AIG1: variants seen among roughly 807,000 people sequenced by gnomAD.
The protein encoded by AIG1 is androgen-induced gene 1 protein.
In AIG1, 23 loss-of-function variants were observed where a neutral mutation model predicts 31.4. The observed-to-expected ratio is 0.73, with a 90% CI of 0.53 to 1.04. The LOEUF is 1.04. Ranked by LOEUF, AIG1 falls within the 50% of genes least tolerant of loss-of-function variation. AIG1 has a pLI of 0.00. For missense variants in AIG1, 274 were observed against 295.0 expected (o/e 0.93, Z 0.52); for synonymous variants, 100 against 110.5 (o/e 0.90, Z 0.60).
chr6:143,080,616 A>G (rs1163081646), intron 1 of AIG1, among the ~76,000 whole-genome samples: 1 of 152,094 alleles, frequency 6.6e-6, no homozygotes, highest in Non-Finnish European at 1.5e-5. Flanking sequence ...AGGGGGTAAG[A>G]GAACAGTAAA....
chr6:143,165,638 G>A (rs1178283770), intron 3 of AIG1, among the ~76,000 whole-genome samples: 3 of 152,214 alleles, frequency 2.0e-5, no homozygotes, highest in Admixed American at 1.3e-4. Context: ...CAGCAAGGCT[G>A]TGACTTTCTT....
chr6:143,203,882 G>A (rs561901606), intron 3 of AIG1, among the ~76,000 whole-genome samples: 2 of 152,310 alleles, frequency 1.3e-5, no homozygotes, highest in African/African-American at 4.8e-5. Context: ...TAGAATGGAG[G>A]TTGTGAAAAC....
rs55784672 is a variant in AIG1, at chr6:143,280,404, A to G, written c.400-3706A>G. On this transcript the variant is annotated intron_variant, in intron 3 of 5. Transcript: ENST00000357847. This position sits in a 1 kb window ranked among gnomAD's most constrained non-coding sequence, Gnocchi z 4.1. ...CCAGAAGAATAGAAATCATTCTACC[A>G]TAAAGATATATGTGCACAAATGTTC... Among the ~76,000 whole-genome samples the G allele has an allele frequency of 0.039, 5,904 of 152,296 alleles. 384 individuals are homozygous for G. The highest frequency in any genetic ancestry group is 0.13 in the African/African-American group (5,476 of 41,530).
chr6:143,175,230 T>C (rs575764981), intron 3 of AIG1, among the ~76,000 whole-genome samples: 2 of 152,352 alleles, frequency 1.3e-5, no homozygotes, highest in African/African-American at 4.8e-5. Flanking sequence ...CTCACAGCTC[T>C]TAAGATTCTT....
At chr6:143,189,746 C>T (rs1168377880) in intron 3 of AIG1, 3 of 985,080 alleles carry the variant, frequency 3.0e-6, no homozygotes, top group Non-Finnish European at 3.6e-6. Flanking sequence ...TAATTTAGAG[C>T]CCTCTTATAT....
chr6:143,060,326 GGTTTA>G (rs1355151580), upstream of AIG1, among the ~76,000 whole-genome samples: 148 of 152,320 alleles, frequency 9.7e-4, 2 homozygotes, highest in African/African-American at 3.4e-3. Context: ...CCTGTGCTCG[GGTTTA>G]CACCCCACGT....
chr6:143,091,822 A>G (rs564118564), intron 1 of AIG1, among the ~76,000 whole-genome samples: 1 of 152,226 alleles, frequency 6.6e-6, no homozygotes, highest in Non-Finnish European at 1.5e-5. Context: ...AAGGAAAGCT[A>G]TACACATGCA....
Position 143,293,803 on chromosome 6 carries a change from C to G in AIG1, c.515+9578C>G, listed in dbSNP as rs952970899. On this transcript the variant is annotated intron_variant, in intron 4 of 5. Coordinates refer to ENST00000357847, the MANE Select transcript of AIG1 (RefSeq NM_016108.4). This position sits in a 1 kb window ranked among gnomAD's most constrained non-coding sequence, Gnocchi z 4.8. ...ACTCCCCAGCTTCCCTACAGCCATG[C>G]CTACACCACTGCTTCTTTTCCCCAT... Among the ~76,000 whole-genome samples, 2 of 152,102 alleles carry G rather than the reference C, an allele frequency of 1.3e-5. No individual in the cohort carries two copies. Among genetic ancestry groups the G allele is most frequent in the Admixed American group, 6.5e-5 (1 of 15,272 alleles).
At chr6:143,189,676 T>G (rs1321820378) in intron 3 of AIG1, 14 of 985,396 alleles carry the variant, frequency 1.4e-5, no homozygotes, top group Non-Finnish European at 1.4e-5. Context: ...TATCATCCTT[T>G]TTTTCTGTAC....
At chr6:143,076,345 G>T (rs747531912) in intron 1 of AIG1, among the ~76,000 whole-genome samples, 1 of 152,094 alleles carries the variant, frequency 6.6e-6, no homozygotes, top group Non-Finnish European at 1.5e-5. Flanking sequence ...TATTTTCCTT[G>T]CTCTAAAGTC....
At chr6:143,203,013 G>T (rs1257633451) in intron 3 of AIG1, among the ~76,000 whole-genome samples, 2 of 152,070 alleles carry the variant, frequency 1.3e-5, no homozygotes, top group African/African-American at 4.8e-5. Context: ...AAGCAGTGTG[G>T]GTAGAAGTCT....
intron 1 of AIG1, among the ~76,000 whole-genome samples, chr6:143,082,803 A>C (rs183478367): frequency 1.3e-5 from 2 of 152,170 alleles, no homozygotes; most frequent in Non-Finnish European, 1.5e-5. Flanking sequence ...AGAGCTGTTC[A>C]TGTTTTTTCT....
chr6:143,333,294 G>A lies in AIG1; in HGVS notation c.528G>A (p.Val176=). ...GATTCTTTTGCAGGGTGTGCTGGGTGCATCATGTAACTGGCATGTGGGTGT... is the reference window on the plus strand; with the variant it reads ...GATTCTTTTGCAGGGTGTGCTGGGTACATCATGTAACTGGCATGTGGGTGT... The part of the protein sequence containing the change: ...SVGYILWVCW[V]HHVTGMWVYP... The change falls in exon 5 of 6, where the codon GTG becomes GTA. Residue 176 remains valine (V), a synonymous_variant. Coordinates refer to ENST00000357847, the MANE Select transcript of AIG1 (RefSeq NM_016108.4). This position sits in a 1 kb window ranked among gnomAD's most constrained non-coding sequence, Gnocchi z 4.6. 1.2e-6 allele frequency: 2 copies of A among 1,611,660 alleles called. No homozygotes were observed. Among genetic ancestry groups the A allele is most frequent in the African/African-American group, 1.3e-5 (1 of 74,876 alleles).
intron 1 of AIG1, among the ~76,000 whole-genome samples, chr6:143,113,706 G>GT (rs1293038237): frequency 6.6e-6 from 1 of 152,134 alleles, no homozygotes; most frequent in East Asian, 1.9e-4. Context: ...TTTAGGTTTG[G>GT]TGAGTTTTCT....
At chr6:143,181,409 C>T (rs1238017654) in intron 3 of AIG1, among the ~76,000 whole-genome samples, 34 of 152,182 alleles carry the variant, frequency 2.2e-4, no homozygotes, top group Non-Finnish European at 3.2e-4. Flanking sequence ...TATTCCTGTA[C>T]ATAAGCTTTT....
At chr6:143,320,511 T>A (rs1219273549) in intron 4 of AIG1, among the ~76,000 whole-genome samples, 1 of 152,228 alleles carries the variant, frequency 6.6e-6, no homozygotes, top group Admixed American at 6.5e-5. Context: ...TAGAATGGAA[T>A]GTTATTCAGC....
intron 4 of AIG1, among the ~76,000 whole-genome samples, chr6:143,303,111 G>C (rs1364634555): frequency 1.3e-5 from 2 of 152,098 alleles, no homozygotes; most frequent in South Asian, 2.1e-4. Flanking sequence ...GTTCATTGTA[G>C]ATTCTGGATA....
intron 4 of AIG1, among the ~76,000 whole-genome samples, chr6:143,315,919 A>C (rs1052761876): frequency 2.6e-5 from 4 of 152,102 alleles, no homozygotes; most frequent in Admixed American, 6.6e-5. Flanking sequence ...AGGGGAAAAA[A>C]AGAGGGGAGA....
intron 3 of AIG1, among the ~76,000 whole-genome samples, chr6:143,234,882 C>T (rs1449626058): frequency 6.6e-6 from 1 of 152,000 alleles, no homozygotes; most frequent in Non-Finnish European, 1.5e-5. Context: ...CATGAGCAAA[C>T]GCTACTTGGG....
Sources: gnomAD v4.1 joint callset for allele counts (sites outside exome capture counted in the v4.1 genomes callset) on GRCh38, gnomAD v4.1.1 for gene constraint, Gnocchi (gnomAD v3.1) non-coding constraint, MANE v1.5 for transcripts, NCBI Gene and HGNC (gene_info 2026-07-23, HGNC 2026-07-21) for gene names.